TENM1: variants seen among roughly 807,000 people sequenced by gnomAD.
TENM1 encodes the protein teneurin transmembrane protein 1.
Under a neutral mutation model 174.8 loss-of-function variants are expected in TENM1, and 35 were observed. That is an observed-to-expected ratio of 0.20 (90% CI 0.15 to 0.27). The LOEUF is 0.27. TENM1 is among the 10% of genes least tolerant of loss of function. The probability of loss-of-function intolerance (pLI) is 1.00; values close to 1 mark genes in which losing one functional copy is unlikely to be tolerated. For missense variants in TENM1, 1,633 were observed against 2,130.1 expected (o/e 0.77, Z 4.59); for synonymous variants, 781 against 798.7 (o/e 0.98, Z 0.37).
intron 4 of TENM1, among the ~76,000 whole-genome samples, chrX:124,717,157 C>T (rs1050739117): frequency 5.4e-5 from 6 of 111,556 alleles, no homozygotes; most frequent in Admixed American, 2.9e-4. Context: ...GGATATGCTG[C>T]TGGTCAGGGT....
intron 3 of TENM1, among the ~76,000 whole-genome samples, chrX:124,753,414 T>C (rs1242116451): frequency 9.7e-6 from 1 of 103,390 alleles, no homozygotes; most frequent in Non-Finnish European, 2.0e-5. Context: ...TTTCTAGATA[T>C]ACAATCATGT....
intron 11 of TENM1, among the ~76,000 whole-genome samples, chrX:124,608,957 A>T (rs988586083): frequency 4.5e-5 from 5 of 111,145 alleles, no homozygotes; most frequent in African/African-American, 1.6e-4. Flanking sequence ...AATCTAATCA[A>T]TACAATCTTA....
the TENM1 span, among the ~76,000 whole-genome samples, chrX:125,189,178 C>T: frequency 8.9e-6 from 1 of 111,862 alleles, no homozygotes; most frequent in Non-Finnish European, 1.9e-5. Flanking sequence ...GAGTGTGTCA[C>T]CCCATTTATG....
chrX:124,758,787 A>G (rs2148600621), intron 3 of TENM1, among the ~76,000 whole-genome samples: 1 of 112,236 alleles, frequency 8.9e-6, no homozygotes, highest in East Asian at 2.8e-4. Flanking sequence ...ACAGAAGGAC[A>G]AATACTACAT....
chrX:124,878,455 T>A (rs2057246516), intron 3 of TENM1, among the ~76,000 whole-genome samples: 1 of 109,333 alleles, frequency 9.1e-6, no homozygotes, highest in Admixed American at 9.8e-5. Flanking sequence ...GGGAGGTATT[T>A]GGGTTATGAG....
chrX:124,915,755 G>A (rs1400500378), intron 1 of TENM1, among the ~76,000 whole-genome samples: 5 of 111,412 alleles, frequency 4.5e-5, no homozygotes, highest in Non-Finnish European at 9.4e-5. Context: ...AGCTTCACAC[G>A]GAGTGCTTTG....
intron 23 of TENM1, among the ~76,000 whole-genome samples, chrX:124,426,316 T>C (rs1042447848): frequency 3.6e-5 from 4 of 111,917 alleles, no homozygotes; most frequent in Non-Finnish European, 7.5e-5. Context: ...GTAACAGTAA[T>C]GTAGCCACTT....
exon 11 of TENM1, chrX:124,641,890 G>A (rs1602880505): frequency 1.7e-6 from 2 of 1,209,162 alleles, no homozygotes; most frequent in Admixed American, 4.4e-5. Context: ...TGACATACAG[G>A]AAGTGGTGTT....
intron 3 of TENM1, among the ~76,000 whole-genome samples, chrX:124,845,618 G>C (rs767794229): frequency 9.0e-6 from 1 of 111,605 alleles, no homozygotes; most frequent in Non-Finnish European, 1.9e-5. Flanking sequence ...AACCTAGAGA[G>C]ACGTACATTG....
Position 124,746,194 on chromosome X carries a change from T to C in TENM1, c.536-8997A>G, listed in dbSNP as rs183366752. 7.9e-3 allele frequency among the ~76,000 whole-genome samples: 893 copies of C among 112,372 alleles called. 12 individuals carry two copies. The highest frequency in any genetic ancestry group is 0.027 in the African/African-American group (840 of 31,007). Reference sequence around the variant, plus strand: ...GTTTGAATTCAATCAAGTTTTATTTTATAAAAAAGTTATAGCAACCATGGT... The same window carrying C: ...GTTTGAATTCAATCAAGTTTTATTTCATAAAAAAGTTATAGCAACCATGGT... On this transcript the variant is annotated intron_variant, in intron 3 of 31. Coordinates refer to ENST00000422452, the Ensembl canonical transcript of TENM1.
At chrX:125,154,686 C>T in the TENM1 span, among the ~76,000 whole-genome samples, 2,667 of 110,643 alleles carry the variant, frequency 0.024, 93 homozygotes, top group African/African-American at 0.084. Context: ...TTCTTAAAGG[C>T]GGCGTGTCCA....
At chrX:125,020,239 G>A in the TENM1 span, among the ~76,000 whole-genome samples, 8 of 111,063 alleles carry the variant, frequency 7.2e-5, no homozygotes, top group African/African-American at 2.6e-4. Flanking sequence ...TTCTCCACAA[G>A]AATGTGAGCT....
the TENM1 span, among the ~76,000 whole-genome samples, chrX:124,987,045 T>C: frequency 1.8e-5 from 2 of 111,864 alleles, no homozygotes; most frequent in African/African-American, 6.5e-5. Flanking sequence ...CACCTATCCC[T>C]GGGTTCCTTA....
chrX:125,023,567 G>C, the TENM1 span, among the ~76,000 whole-genome samples: 9,711 of 109,099 alleles, frequency 0.089, 841 homozygotes, highest in African/African-American at 0.27. Context: ...ATGACATGCA[G>C]AGAATTTTAC....
intron 1 of TENM1, among the ~76,000 whole-genome samples, chrX:124,927,284 G>T (rs2058105967): frequency 9.0e-6 from 1 of 111,452 alleles, no homozygotes; most frequent in African/African-American, 3.3e-5. Flanking sequence ...AGGACCTATT[G>T]AAGACTTCCC....
At chrX:124,423,828 G>A (rs1395695011) in intron 23 of TENM1, among the ~76,000 whole-genome samples, 1 of 111,751 alleles carries the variant, frequency 8.9e-6, no homozygotes, top group African/African-American at 3.3e-5. Flanking sequence ...GGACTAAATT[G>A]TGTCCTCCCC....
chrX:124,765,247 CA>C (rs1406803427), intron 3 of TENM1, among the ~76,000 whole-genome samples: 1 of 112,047 alleles, frequency 8.9e-6, no homozygotes, highest in Non-Finnish European at 1.9e-5. Context: ...GGTTCATTTT[CA>C]GATTTTGGAC....
chrX:125,000,520 A>C, the TENM1 span, among the ~76,000 whole-genome samples: 1 of 112,129 alleles, frequency 8.9e-6, no homozygotes, highest in African/African-American at 3.2e-5. Flanking sequence ...TGCAAACATT[A>C]TAAATATGAA....
the TENM1 span, among the ~76,000 whole-genome samples, chrX:125,086,498 C>T: frequency 1.8e-5 from 2 of 110,493 alleles, no homozygotes; most frequent in African/African-American, 3.3e-5. Flanking sequence ...TTATGTTTCT[C>T]GAAAAAAATT....
Sources: gnomAD v4.1 joint callset for allele counts (sites outside exome capture counted in the v4.1 genomes callset) on GRCh38, gnomAD v4.1.1 for gene constraint, MANE v1.5 for transcripts, NCBI Gene and HGNC (gene_info 2026-07-23, HGNC 2026-07-21) for gene names.